Variants in TMPRSS9 observed in about 807,000 individuals in gnomAD.
TMPRSS9 encodes the protein transmembrane protease serine 9.
TMPRSS9 carries 113 observed loss-of-function variants against 111.4 expected under a neutral mutation model. The observed-to-expected ratio is 1.01, with a 90% CI of 0.87 to 1.19. The LOEUF is 1.19. Ranked by LOEUF, TMPRSS9 falls within the 50% of genes most tolerant of loss-of-function variation. The pLI is 0.00. For missense variants in TMPRSS9, 1,803 were observed against 1,513.1 expected (o/e 1.19, Z -3.18); for synonymous variants, 805 against 659.1 (o/e 1.22, Z -3.39).
At chr19:2,410,437 G>T in intron 9 of TMPRSS9, 43 bp downstream of exon 10, 1 of 1,608,176 alleles carries the variant, frequency 6.2e-7, no homozygotes, top group Non-Finnish European at 8.5e-7. Flanking sequence ...CACAGAAATA[G>T]ACACGAGCAT....
chr19:2,425,807 A>G (rs1358340972), intron 17 of TMPRSS9, 120 bp from the exon 19 acceptor site: 27 of 1,376,068 alleles, frequency 2.0e-5, no homozygotes, highest in African/African-American at 3.0e-5. Flanking sequence ...CATTTTCCAG[A>G]TAGTGAAAAT....
exon 10 of TMPRSS9, chr19:2,413,708 A>G (rs781514103): frequency 1.9e-6 from 3 of 1,602,760 alleles, no homozygotes; most frequent in African/African-American, 2.7e-5. Context: ...AGGGTGACTC[A>G]GGAGGACCCC....
In TMPRSS9 at chr19:2,373,409, T is replaced by C. The variant is rs1401630562; in HGVS notation, c.-26+13049T>C. On this transcript the variant is annotated intron_variant, in intron 1 of 17. Transcript: ENST00000649857. ...ACACTTGGCTAATTTTTTGTATTTT[T>C]AGTAGAGATAGGGTTTTGTGATGTT... Among the ~76,000 whole-genome samples, 3 of 151,908 alleles carry C rather than the reference T, an allele frequency of 2.0e-5. No homozygotes were observed. In the East Asian group the frequency reaches 5.9e-4, roughly 30 times the overall value.
intron 11 of TMPRSS9, chr19:2,416,270 T>C (rs1173568603): frequency 6.0e-6 from 3 of 502,748 alleles, no homozygotes; most frequent in Non-Finnish European, 1.0e-5. Flanking sequence ...CTGTAGGGGG[T>C]TGGGGGGGGG....
chr19:2,361,418 T>C (rs1289859668), intron 1 of TMPRSS9, among the ~76,000 whole-genome samples: 1 of 151,394 alleles, frequency 6.6e-6, no homozygotes, highest in East Asian at 2.0e-4. Flanking sequence ...GCCAGGCATC[T>C]GACTGGAGCC....
chr19:2,426,125 AAGCAACAGG>A, exon 18 of TMPRSS9: 1 of 1,514,232 alleles, frequency 6.6e-7, no homozygotes, highest in African/African-American at 1.8e-5. Flanking sequence ...CTCTACGTGA[AAGCAACAGG>A]AGCAGCAGGC....
In TMPRSS9 at chr19:2,391,389, TAAA is replaced by T. The variant is rs67766322; in HGVS notation, c.142+1466_142+1468del. On this transcript the variant is annotated intron_variant, in intron 1 of 17. Coordinates refer to ENST00000648592, the Ensembl canonical transcript of TMPRSS9. ...TTTTTTTTTTCTTTTTTCTTTTTTT[TAAA>T]AAATATTTGTGGAACTTCTGGAAAC... is the stretch of plus-strand genomic sequence containing the variant. Among the ~76,000 whole-genome samples, 150 of 135,048 alleles carry T rather than the reference TAAA, an allele frequency of 1.1e-3. 1 individual carries two copies. The highest frequency in any genetic ancestry group is 1.5e-3 in the South Asian group (6 of 4,052). The allele number at this position is 135,048 out of a possible 152,430, so 88.6% of individuals were successfully genotyped here.
At position 2,416,451 on chromosome 19, in the gene TMPRSS9, C is replaced by T. The variant is rs553095421; in HGVS notation, c.1746-87C>T. 5.4e-5 allele frequency: 82 copies of T among 1,515,546 alleles called. No homozygotes were observed. In the East Asian group the frequency reaches 1.8e-3, roughly 33 times the overall value. 93.9% of individuals were successfully genotyped at this position (1,515,546 alleles called of 1,614,324 possible). On this transcript the variant is annotated intron_variant, in intron 11 of 17. Transcript: ENST00000648592. ...GGGCCCAGGCAGCCCTGTGTGGCTT[C>T]CTGGGGGTGTGCATCAGCCCTGTCC...
At chr19:2,405,617 C>A in intron 7 of TMPRSS9, 72 bp downstream of exon 8, 2 of 1,402,064 alleles carry the variant, frequency 1.4e-6, no homozygotes, top group Non-Finnish European at 1.9e-6. Flanking sequence ...GCACTGGGGA[C>A]GTCACTTCTG....
At chr19:2,422,231 A>G in exon 14 of TMPRSS9, 1 of 1,510,830 alleles carries the variant, frequency 6.6e-7, no homozygotes. Flanking sequence ...AGGCCACCAC[A>G]CACACCCAGC....
chr19:2,369,596 A>C (rs1970273459), intron 1 of TMPRSS9, among the ~76,000 whole-genome samples: 2 of 113,888 alleles, frequency 1.8e-5, no homozygotes, highest in Non-Finnish European at 3.5e-5. Flanking sequence ...GCTAATTTGT[A>C]ATTTTTTTTT....
chr19:2,424,086 C>T lies in TMPRSS9; in HGVS notation c.2549-3C>T. ...CCTGCCCACGCGCCTGGCTCCCCCG[C>T]AGACTGTGGCCTGGCGCCGGCCGCG... On this transcript the variant is annotated splice_polypyrimidine_tract_variant and splice_region_variant and intron_variant, in intron 14 of 17. Transcript: ENST00000648592. 2 of 1,286,832 alleles carry T rather than the reference C, an allele frequency of 1.6e-6. No homozygotes were observed. The highest frequency in any genetic ancestry group is 2.0e-6 in the Non-Finnish European group (2 of 1,014,572). The allele number at this position is 1,286,832 out of a possible 1,614,324, so 79.7% of individuals were successfully genotyped here.
chr19:2,376,234 C>T (rs765747957), intron 1 of TMPRSS9, among the ~76,000 whole-genome samples: 2 of 152,110 alleles, frequency 1.3e-5, no homozygotes, highest in Non-Finnish European at 2.9e-5. Flanking sequence ...ACAGCCTCTT[C>T]CAGTCTCCCT....
chr19:2,417,019 G>C (rs1172587583), intron 12 of TMPRSS9, among the ~76,000 whole-genome samples: 3 of 152,122 alleles, frequency 2.0e-5, no homozygotes, highest in South Asian at 4.1e-4. Context: ...TTGCCTGTTT[G>C]TATAAACAAA....
chr19:2,424,733 G>A (rs1268390688), intron 15 of TMPRSS9, among the ~76,000 whole-genome samples: 1 of 152,138 alleles, frequency 6.6e-6, no homozygotes, highest in Admixed American at 6.5e-5. Flanking sequence ...CAGGGCTGGA[G>A]GTCAGAAGGG....
chr19:2,386,946 C>CAA (rs1191759014), upstream of TMPRSS9, among the ~76,000 whole-genome samples: 3 of 152,146 alleles, frequency 2.0e-5, no homozygotes, highest in African/African-American at 7.2e-5. Flanking sequence ...GAGATCACGC[C>CAA]ACTGCACAGT....
At chr19:2,371,591 G>A (rs1970290760) in intron 1 of TMPRSS9, among the ~76,000 whole-genome samples, 1 of 152,138 alleles carries the variant, frequency 6.6e-6, no homozygotes, top group Non-Finnish European at 1.5e-5. Flanking sequence ...CCGCTACCTG[G>A]GAGGCTGAGG....
At chr19:2,376,970 G>A (rs1274910471) in intron 1 of TMPRSS9, among the ~76,000 whole-genome samples, 3 of 151,972 alleles carry the variant, frequency 2.0e-5, no homozygotes, top group Non-Finnish European at 4.4e-5. Context: ...GCACACCAGC[G>A]CGTGTCTGGC....
chr19:2,418,410 A>C (rs190957540), intron 13 of TMPRSS9, among the ~76,000 whole-genome samples: 13 of 7,202 alleles, frequency 1.8e-3, no homozygotes, highest in Admixed American at 4.6e-3. Flanking sequence ...CTTTCCTTCC[A>C]TTCCTTCCCT....
Sources: allele counts gnomAD v4.1 joint callset (sites outside exome capture counted in the v4.1 genomes callset), GRCh38; gene constraint gnomAD v4.1.1; transcripts MANE v1.5; gene names NCBI Gene and HGNC (gene_info 2026-07-23, HGNC 2026-07-21).